Variants in COL13A1 observed in about 807,000 individuals in gnomAD.
COL13A1 encodes the protein collagen alpha-1(XIII) chain.
COL13A1 carries 89 observed loss-of-function variants against 130.9 expected under a neutral mutation model. The ratio of observed to expected loss-of-function variants is 0.68; its 90% CI spans 0.57 to 0.81. COL13A1 has a LOEUF of 0.81. Ranked by LOEUF, COL13A1 falls within the 30% of genes least tolerant of loss-of-function variation. The probability of loss-of-function intolerance (pLI) is 0.00; values close to 1 mark genes in which losing one functional copy is unlikely to be tolerated. For missense variants in COL13A1, 879 were observed against 934.6 expected (o/e 0.94, Z 0.78); for synonymous variants, 402 against 341.6 (o/e 1.18, Z -1.95).
intron 23 of COL13A1, among the ~76,000 whole-genome samples, chr10:69,923,271 G>A (rs1374360644): frequency 6.6e-6 from 1 of 152,228 alleles, no homozygotes; most frequent in Non-Finnish European, 1.5e-5. Context: ...CATCTGGTAG[G>A]TGGCAGCAGT....
At chr10:69,897,387 T>C in intron 13 of COL13A1, 1 of 1,345,818 alleles carries the variant, frequency 7.4e-7, no homozygotes, top group Non-Finnish European at 1.0e-6. Context: ...AGGAGAGGGG[T>C]GGGGAGCAGG....
At chr10:69,880,243 C>T (rs1410901982) in intron 6 of COL13A1, among the ~76,000 whole-genome samples, 2 of 152,138 alleles carry the variant, frequency 1.3e-5, no homozygotes, top group Non-Finnish European at 2.9e-5. Flanking sequence ...TTCTCCTTTC[C>T]CTCCTGCTGC....
At chr10:69,869,699 A>C (rs192292542) in intron 3 of COL13A1, among the ~76,000 whole-genome samples, 1 of 152,220 alleles carries the variant, frequency 6.6e-6, no homozygotes. Flanking sequence ...GCTTTTTAAC[A>C]TAATGCATTA....
chr10:69,931,253 T>A (rs1437894480), intron 30 of COL13A1: 1 of 455,064 alleles, frequency 2.2e-6, no homozygotes, highest in Admixed American at 2.4e-5. Flanking sequence ...TCCTGAGGTT[T>A]ACAGTGAAGC....
chr10:69,942,457 C>T (rs947270667), intron 35 of COL13A1, among the ~76,000 whole-genome samples: 1 of 152,150 alleles, frequency 6.6e-6, no homozygotes, highest in Non-Finnish European at 1.5e-5. Flanking sequence ...GAAACCAAGA[C>T]TTTCCTCTCA....
At chr10:69,944,069 C>T in intron 35 of COL13A1, 56 bp from the exon 36 acceptor site, 1 of 1,502,648 alleles carries the variant, frequency 6.7e-7, no homozygotes, top group Non-Finnish European at 9.2e-7. Context: ...AGGTGGGGCA[C>T]CCAGGGCTCC....
intron 2 of COL13A1, among the ~76,000 whole-genome samples, chr10:69,857,510 G>A (rs1366577161): frequency 6.6e-6 from 1 of 152,164 alleles, no homozygotes; most frequent in African/African-American, 2.4e-5. Flanking sequence ...GATCAGTGGT[G>A]GCATTAGATC....
At chr10:69,803,167 C>G (rs1840532918) in intron 1 of COL13A1, among the ~76,000 whole-genome samples, 2 of 152,170 alleles carry the variant, frequency 1.3e-5, no homozygotes, top group Admixed American at 1.3e-4. Flanking sequence ...CCTTAAGGAC[C>G]CGGGGGGTGC....
intron 2 of COL13A1, among the ~76,000 whole-genome samples, chr10:69,843,736 G>A (rs1041121047): frequency 5.3e-5 from 8 of 152,222 alleles, no homozygotes; most frequent in African/African-American, 1.9e-4. Context: ...CTCAGCTAAT[G>A]TTTGCCATGA....
chr10:69,862,247 A>G (rs527281238), intron 2 of COL13A1, among the ~76,000 whole-genome samples: 16 of 152,296 alleles, frequency 1.1e-4, no homozygotes, highest in South Asian at 1.0e-3. Context: ...AGCCATGAAT[A>G]ATAGGCAAGT....
chr10:69,899,237 C>G (rs986918863), intron 14 of COL13A1, among the ~76,000 whole-genome samples: 3 of 152,158 alleles, frequency 2.0e-5, no homozygotes, highest in African/African-American at 7.2e-5. Flanking sequence ...CCAGCCTTCT[C>G]ATCTATAAAA....
chr10:69,923,929 C>A (rs2065017155), intron 24 of COL13A1, 74 bp downstream of exon 24: 50 of 1,550,272 alleles, frequency 3.2e-5, no homozygotes, highest in Non-Finnish European at 4.1e-5. Flanking sequence ...CCCGGCCGAC[C>A]CTAGGGGTAT....
At chr10:69,951,011 GC>G (rs1349371733) in intron 38 of COL13A1, among the ~76,000 whole-genome samples, 1 of 151,956 alleles carries the variant, frequency 6.6e-6, no homozygotes, top group Non-Finnish European at 1.5e-5. Context: ...ACCACACCAG[GC>G]TAATTTTTGT....
chr10:69,818,413 C>G (rs1413283218), intron 1 of COL13A1, among the ~76,000 whole-genome samples: 1 of 152,214 alleles, frequency 6.6e-6, no homozygotes, highest in African/African-American at 2.4e-5. Flanking sequence ...AATGGTTCCT[C>G]CATGCTAGAA....
At chr10:69,923,660 A>T in intron 23 of COL13A1, 142 bp from the exon 24 acceptor site, 1 of 1,077,674 alleles carries the variant, frequency 9.3e-7, no homozygotes. Flanking sequence ...AGGGAGGTGG[A>T]AGAGTGGGAG....
At chr10:69,928,035 C>T (rs748114599) in intron 27 of COL13A1, among the ~76,000 whole-genome samples, 3 of 152,106 alleles carry the variant, frequency 2.0e-5, no homozygotes, top group Admixed American at 6.6e-5. Context: ...GCCTATAATC[C>T]CAGCTACTCA....
intron 17 of COL13A1, among the ~76,000 whole-genome samples, chr10:69,907,962 T>C (rs893418944): frequency 4.6e-5 from 7 of 152,190 alleles, no homozygotes; most frequent in Non-Finnish European, 8.8e-5. Context: ...ACAAGAGCTA[T>C]GGGGGACACA....
intron 2 of COL13A1, among the ~76,000 whole-genome samples, chr10:69,841,649 A>C (rs1357276998): frequency 6.6e-6 from 1 of 152,244 alleles, no homozygotes; most frequent in African/African-American, 2.4e-5. Context: ...CCCAGCAAAT[A>C]TAAAATTGCA....
intron 17 of COL13A1, among the ~76,000 whole-genome samples, chr10:69,913,644 G>A (rs1023535848): frequency 6.6e-6 from 1 of 152,094 alleles, no homozygotes; most frequent in South Asian, 2.1e-4. Flanking sequence ...CAGCCACAGC[G>A]ACGACGCTGG....
Sources: gnomAD v4.1 joint callset for allele counts (sites outside exome capture counted in the v4.1 genomes callset) on GRCh38, gnomAD v4.1.1 for gene constraint, MANE v1.5 for transcripts, NCBI Gene and HGNC (gene_info 2026-07-23, HGNC 2026-07-21) for gene names.